Variants in MEIS2 observed in about 807,000 individuals in gnomAD.
MEIS2 encodes homeobox protein Meis2.
MEIS2 carries 9 observed loss-of-function variants against 58.6 expected under a neutral mutation model. The observed-to-expected ratio is 0.15, with a 90% confidence interval of 0.09 to 0.27. MEIS2 has a LOEUF of 0.27. Among genes scored for constraint, MEIS2 ranks in the 10% least tolerant of loss-of-function variants. The pLI, the probability that MEIS2 is intolerant of heterozygous loss-of-function variation, is 1.00. For synonymous variants in MEIS2, 221 were observed against 228.4 expected (o/e 0.97, Z 0.29); for missense variants, 427 against 635.0 (o/e 0.67, Z 3.52).
intron 8 of MEIS2, among the ~76,000 whole-genome samples, chr15:36,963,184 G>A (rs2059243621): frequency 6.6e-6 from 1 of 152,076 alleles, no homozygotes; most frequent in African/African-American, 2.4e-5. Flanking sequence ...AGACCAGCCT[G>A]GCCAACATGG....
chr15:36,941,297 T>C lies in MEIS2; in HGVS notation c.977+9027A>G, dbSNP rs201351011. ...CCATGGTGCTAATTTCTACAACCTT[T>C]ATGAAAAGGAAATTTGCCCATGGGC... On this transcript the variant is annotated intron_variant, in intron 9 of 11. Transcript: ENST00000561208. Among the ~76,000 whole-genome samples, 6 of 152,170 alleles carry C rather than the reference T, an allele frequency of 3.9e-5. No homozygotes were observed. In the East Asian group the frequency reaches 9.6e-4, roughly 24 times the overall value.
chr15:36,920,436 G>C (rs561012946), intron 9 of MEIS2, among the ~76,000 whole-genome samples: 27 of 152,116 alleles, frequency 1.8e-4, no homozygotes, highest in African/African-American at 6.5e-4. Context: ...CGTGAGCCAC[G>C]GCGCCCGGTC....
rs571298132 is a variant in MEIS2 at position 36,935,129 on chromosome 15, A to G, written c.977+15195T>C. ...CACTTAGCTGGTTGTTAAGTTTCCA[A>G]TGGTAGCTTGTTTTCAGTTAGTATT... On this transcript the variant is annotated intron_variant, in intron 9 of 11. Transcript: ENST00000561208. Among the ~76,000 whole-genome samples, 9 of 151,976 alleles carry G rather than the reference A, an allele frequency of 5.9e-5. No homozygotes were observed. In the East Asian group the frequency reaches 9.7e-4, roughly 16 times the overall value.
At chr15:37,084,798 G>C (rs1332623161) in intron 6 of MEIS2, among the ~76,000 whole-genome samples, 1 of 152,176 alleles carries the variant, frequency 6.6e-6, no homozygotes, top group African/African-American at 2.4e-5. Flanking sequence ...TAATGTACAG[G>C]AAGGACTTTA....
intron 8 of MEIS2, among the ~76,000 whole-genome samples, chr15:37,014,659 C>G (rs555350291): frequency 1.3e-5 from 2 of 152,248 alleles, no homozygotes; most frequent in East Asian, 3.9e-4. Context: ...CTGGACCATC[C>G]AATCAGAAGT....
At chr15:37,069,830 G>A (rs1197576270) in intron 7 of MEIS2, among the ~76,000 whole-genome samples, 2 of 152,102 alleles carry the variant, frequency 1.3e-5, no homozygotes, top group Non-Finnish European at 2.9e-5. Flanking sequence ...AGACAAGGTG[G>A]GGTTTTGCAG....
At chr15:36,920,757 T>C (rs961424398) in intron 9 of MEIS2, among the ~76,000 whole-genome samples, 1 of 152,192 alleles carries the variant, frequency 6.6e-6, no homozygotes, top group Non-Finnish European at 1.5e-5. Context: ...GTTCTGAGGA[T>C]AAAACAATAA....
At position 36,967,226 on chromosome 15, in the gene MEIS2, T is replaced by A. The variant is rs567620829; in HGVS notation, c.901-16826A>T. Among the ~76,000 whole-genome samples the A allele has an allele frequency of 2.0e-5, 3 of 152,334 alleles. No individual in the cohort carries two copies. The East Asian group carries it at 5.8e-4, about 29-fold the overall frequency. On this transcript the variant is annotated intron_variant, in intron 8 of 11. Coordinates refer to ENST00000561208, the MANE Select transcript of MEIS2 (RefSeq NM_170675.5). ...AAACGCTCATGATATCACTAGTATTTGTAAATATAAATATTTTGTGATGTG... is the reference window on the plus strand; with the variant it reads ...AAACGCTCATGATATCACTAGTATTAGTAAATATAAATATTTTGTGATGTG...
intron 7 of MEIS2, among the ~76,000 whole-genome samples, chr15:37,062,170 T>A (rs527932869): frequency 1.1e-4 from 17 of 152,302 alleles, no homozygotes; most frequent in African/African-American, 4.1e-4. Context: ...CACAGCTCTC[T>A]GATCTCCAGG....
chr15:37,072,534 A>G (rs528314875), intron 7 of MEIS2, among the ~76,000 whole-genome samples: 70 of 152,230 alleles, frequency 4.6e-4, no homozygotes, highest in African/African-American at 1.5e-3. Context: ...ACAAACAGCA[A>G]TATCAACCCA....
intron 8 of MEIS2, among the ~76,000 whole-genome samples, chr15:36,986,854 C>CATTTCACAAATGCCTA (rs1412790109): frequency 1.3e-5 from 2 of 152,192 alleles, no homozygotes; most frequent in African/African-American, 2.4e-5. Context: ...TGAATGCTCT[C>CATTTCACAAATGCCTA]TGTGAAAATA....
chr15:36,895,904 G>A (rs1370905626), intron 10 of MEIS2, among the ~76,000 whole-genome samples: 3 of 152,178 alleles, frequency 2.0e-5, no homozygotes, highest in African/African-American at 4.8e-5. Context: ...TAACACCGTT[G>A]TTAGTGGCAG....
chr15:37,092,696 CTTTTTTTTTTTTTTTTTTTTTTTTTT>C (rs1018906546), intron 6 of MEIS2, among the ~76,000 whole-genome samples: 14 of 38,720 alleles, frequency 3.6e-4, no homozygotes, highest in East Asian at 7.0e-4. Context: ...ACTACATATG[CTTTTTTTTTTTTTTTTTTTTTTTTTT>C]TTTTTTTTTT....
chr15:37,083,845 G>T lies in MEIS2; in HGVS notation c.680C>A (p.Thr227Asn). 6.2e-7 allele frequency: 1 copy of T among 1,614,102 alleles called. No homozygotes were observed. ...GGGCCCTGGGGTGCCTGCTGAGTGG[G>T]TTGAGGTTGCATCATCGTGGTCTCG... ...SWRDHDDATS[T>N]HSAGTPGPSS... is the part of the protein sequence containing the mutation. Residue 227 changes from threonine to asparagine, a missense_variant, in exon 7 of 12, where the codon ACC (threonine) becomes AAC (asparagine). Around this residue, in one of 6 missense-constraint regions of MEIS2, gnomAD observed 138 missense variants for 263.0 expected, o/e 0.52. Transcript: ENST00000561208.
rs1303435016 is a variant in MEIS2 at position 36,891,710 on chromosome 15, T to C, written c.*463A>G. 6.2e-6 allele frequency: 1 copy of C among 161,344 alleles called. No individual in the cohort carries two copies. Among genetic ancestry groups the C allele is most frequent in the Non-Finnish European group, 1.4e-5 (1 of 73,090 alleles). 10.0% of individuals were successfully genotyped at this position (161,344 alleles called of 1,614,324 possible). On this transcript the variant is annotated 3_prime_UTR_variant, in exon 12 of 12. Coordinates refer to ENST00000561208, the MANE Select transcript of MEIS2 (RefSeq NM_170675.5). ...TCATCATGATCTCCAGTGTGGTTCT[T>C]TTCTCATTGGCCCAACAGGTTTAAA...
At chr15:36,978,930 TTTTG>T (rs1415991056) in intron 8 of MEIS2, among the ~76,000 whole-genome samples, 4 of 152,200 alleles carry the variant, frequency 2.6e-5, no homozygotes, top group African/African-American at 9.6e-5. Flanking sequence ...CTACTTACAT[TTTTG>T]TTTATTAGAT....
At chr15:37,012,394 T>C (rs1277189278) in intron 8 of MEIS2, among the ~76,000 whole-genome samples, 2 of 152,222 alleles carry the variant, frequency 1.3e-5, no homozygotes, top group Non-Finnish European at 2.9e-5. Context: ...CACTATTTGT[T>C]TGCAAAGAAA....
chr15:37,060,761 G>A (rs1296243937), intron 7 of MEIS2, among the ~76,000 whole-genome samples: 6 of 152,134 alleles, frequency 3.9e-5, no homozygotes. Flanking sequence ...CTGATGCTTG[G>A]CATTTGGCAT....
chr15:36,983,619 G>T (rs569670175), intron 8 of MEIS2, among the ~76,000 whole-genome samples: 20 of 151,902 alleles, frequency 1.3e-4, no homozygotes, highest in Non-Finnish European at 2.5e-4. Flanking sequence ...TATTGCTTTG[G>T]CTATTTGGAA....
Sources: allele counts gnomAD v4.1 joint callset (sites outside exome capture counted in the v4.1 genomes callset), GRCh38; gene constraint gnomAD v4.1.1; regional missense constraint gnomAD v4.1.1; transcripts MANE v1.5; gene names NCBI Gene and HGNC (gene_info 2026-07-23, HGNC 2026-07-21).